C11orf65: variants seen among roughly 807,000 people sequenced by gnomAD.
C11orf65 encodes protein MFI.
In C11orf65, 38 loss-of-function variants were observed where a neutral mutation model predicts 35.3. The observed-to-expected ratio is 1.08, with a 90% CI of 0.83 to 1.41. The LOEUF is 1.41. C11orf65 is among the 40% of genes most tolerant of loss of function. The pLI, the probability that C11orf65 is intolerant of heterozygous loss-of-function variation, is 0.00. For missense variants in C11orf65, 370 were observed against 367.1 expected (o/e 1.01, Z -0.06); for synonymous variants, 105 against 114.4 (o/e 0.92, Z 0.53).
chr11:108,390,054 C>T (rs1021784933), intron 7 of C11orf65, among the ~76,000 whole-genome samples: 1 of 150,794 alleles, frequency 6.6e-6, no homozygotes, highest in Non-Finnish European at 1.5e-5. Context: ...GACGGAGTCT[C>T]GCTCTGTTGC....
chr11:108,351,952 G>A (rs1387449714), intron 2 of C11orf65, among the ~76,000 whole-genome samples: 2 of 152,140 alleles, frequency 1.3e-5, no homozygotes, highest in African/African-American at 4.8e-5. Flanking sequence ...CTCAGCTATA[G>A]CAAGCCCTTT....
intron 2 of C11orf65, chr11:108,367,154 A>AT (rs1234305333): frequency 1.1e-5 from 2 of 177,610 alleles, no homozygotes; most frequent in African/African-American, 4.7e-5. Context: ...CGCCCGGCTA[A>AT]TTTTTTGTAT....
At chr11:108,411,632 A>T (rs1359073434) in intron 3 of C11orf65, among the ~76,000 whole-genome samples, 2 of 152,146 alleles carry the variant, frequency 1.3e-5, no homozygotes, top group African/African-American at 2.4e-5. Flanking sequence ...TCTGGTAATT[A>T]TGTAAGTTTT....
intron 6 of C11orf65, among the ~76,000 whole-genome samples, chr11:108,402,803 T>C (rs1346037546): frequency 6.6e-6 from 1 of 152,176 alleles, no homozygotes; most frequent in Non-Finnish European, 1.5e-5. Context: ...ATTTGTGTCT[T>C]CTAGAATTGT....
intron 7 of C11orf65, among the ~76,000 whole-genome samples, chr11:108,388,233 C>T (rs905900013): frequency 6.6e-6 from 1 of 152,176 alleles, no homozygotes; most frequent in Non-Finnish European, 1.5e-5. Flanking sequence ...ATCACTGTCC[C>T]TGCTTTATCC....
At chr11:108,415,110 G>A (rs906178185) in intron 3 of C11orf65, among the ~76,000 whole-genome samples, 1 of 151,986 alleles carries the variant, frequency 6.6e-6, no homozygotes, top group Admixed American at 6.6e-5. Context: ...CTACAAAGAT[G>A]TCCCCTCACC....
chr11:108,345,924 A>G lies in C11orf65; in HGVS notation c.227-10632T>C, dbSNP rs1322889530. On this transcript the variant is annotated intron_variant, in intron 2 of 3. Coordinates refer to the C11orf65 transcript ENST00000524755. ...TCTTCTATTGGTAATCTTCTTGTACATATAGTAGATTGAGCACTTTGTTGT... is the reference window on the plus strand; with the variant it reads ...TCTTCTATTGGTAATCTTCTTGTACGTATAGTAGATTGAGCACTTTGTTGT... 3 of 1,612,896 alleles carry G rather than the reference A, an allele frequency of 1.9e-6. No individual in the cohort carries two copies. Among genetic ancestry groups the G allele is most frequent in the East Asian group, 2.2e-5 (1 of 44,808 alleles).
chr11:108,383,091 G>A lies in C11orf65; in HGVS notation c.872C>T (p.Thr291Ile), dbSNP rs1173506016. Residue 291 changes from threonine (T) to isoleucine (I), a missense_variant, in exon 9 of 9, where the codon ACT becomes ATT. Transcript: ENST00000393084. ...TTCTTGATAAACATTTTCATAGTAAGTATCATCTGGTATTCCCATTTGCAT... is the reference window on the plus strand; with the variant it reads ...TTCTTGATAAACATTTTCATAGTAAATATCATCTGGTATTCCCATTTGCAT... ...SKMQMGIPDD[T>I]YYENVYQEPN... 6 of 1,611,034 alleles carry A rather than the reference G, an allele frequency of 3.7e-6. No homozygotes were observed. Among genetic ancestry groups the A allele is most frequent in the South Asian group, 3.3e-5 (3 of 90,640 alleles).
rs1023965188 is a variant in C11orf65, at chr11:108,375,090, C to A, written c.226+18118G>T. ...AGGATATTATCCAGGAGAACTTCCCCAATCTAGCAAGGCAGGCCAACGTTC... is the reference window on the plus strand; with the variant it reads ...AGGATATTATCCAGGAGAACTTCCCAAATCTAGCAAGGCAGGCCAACGTTC... On this transcript the variant is annotated intron_variant, in intron 2 of 3. Coordinates refer to the C11orf65 transcript ENST00000524755. 9.2e-5 allele frequency among the ~76,000 whole-genome samples: 14 copies of A among 152,218 alleles called. No individual in the cohort carries two copies. In the East Asian group the frequency reaches 2.1e-3, roughly 23 times the overall value.
chr11:108,320,444 A>G (rs1218597074), intron 6 of C11orf65, among the ~76,000 whole-genome samples: 1 of 152,244 alleles, frequency 6.6e-6, no homozygotes, highest in African/African-American at 2.4e-5. Flanking sequence ...GCATGAGGAA[A>G]TAATTATAAT....
At chr11:108,385,823 G>A (rs2091982455) in intron 8 of C11orf65, 97 bp downstream of exon 8, 1 of 945,812 alleles carries the variant, frequency 1.1e-6, no homozygotes, top group Admixed American at 2.0e-5. Context: ...TATATACTAT[G>A]CAGATTACTG....
Position 108,332,807 on chromosome 11 carries a change from A to C in C11orf65, c.300-1240T>G, listed in dbSNP as rs1305691166. 5.0e-6 allele frequency: 8 copies of C among 1,613,358 alleles called. No individual in the cohort carries two copies. In the South Asian group the frequency reaches 8.8e-5, roughly 18 times the overall value. On this transcript the variant is annotated intron_variant, in intron 3 of 3. Transcript: ENST00000524755. The stretch of plus-strand genomic sequence containing the variant: ...TAGAATAATATGTACTATCAGAAGT[A>C]GGAGACCTCAGATGGTCAGAAGTGT...
intron 2 of C11orf65, among the ~76,000 whole-genome samples, chr11:108,371,813 T>G (rs979779088): frequency 6.6e-6 from 1 of 152,214 alleles, no homozygotes. Flanking sequence ...CCATACTGTT[T>G]TTCCACAGTG....
rs2137077518 is a variant in C11orf65, at chr11:108,347,272, T to C, written c.227-11980A>G. On this transcript the variant is annotated intron_variant, in intron 2 of 3. Transcript: ENST00000524755. ...GATTTCAGATTGTTTGTTTCTTTTT[T>C]CTCCAGTTGGTTACATACTTGGACT... The C allele has an allele frequency of 6.3e-7, 1 of 1,592,370 alleles. No individual in the cohort carries two copies. Among genetic ancestry groups the C allele is most frequent in the Non-Finnish European group, 8.6e-7 (1 of 1,160,442 alleles).
chr11:108,347,322 C>T lies in C11orf65; in HGVS notation c.227-12030G>A, dbSNP rs1555139577. 1 of 1,611,612 alleles carries T rather than the reference C, an allele frequency of 6.2e-7. No individual in the cohort carries two copies. Among genetic ancestry groups the T allele is most frequent in the African/African-American group, 1.3e-5 (1 of 74,922 alleles). ...TTGGTGATAGACATGTACAGAATAT[C>T]TTGATAAATGAGCAGTCAGCAGAAC... On this transcript the variant is annotated intron_variant, in intron 2 of 3. Coordinates refer to the C11orf65 transcript ENST00000524755.
chr11:108,312,870 C>T (rs2084296658), intron 6 of C11orf65, among the ~76,000 whole-genome samples: 2 of 152,298 alleles, frequency 1.3e-5, no homozygotes. Flanking sequence ...ATTGCCTCTT[C>T]TATAAATTTC....
chr11:108,444,733 C>G (rs1413351419), intron 2 of C11orf65, among the ~76,000 whole-genome samples: 1 of 152,120 alleles, frequency 6.6e-6, no homozygotes, highest in Non-Finnish European at 1.5e-5. Flanking sequence ...GTTCATCTCA[C>G]TACGGAGTGC....
chr11:108,384,415 C>CT (rs2138285614), intron 8 of C11orf65, among the ~76,000 whole-genome samples: 1 of 152,278 alleles, frequency 6.6e-6, no homozygotes, highest in South Asian at 2.1e-4. Flanking sequence ...AACCTATGTG[C>CT]TAGGTACTAC....
chr11:108,374,253 G>A (rs1170890483), intron 2 of C11orf65, among the ~76,000 whole-genome samples: 1 of 152,200 alleles, frequency 6.6e-6, no homozygotes, highest in African/African-American at 2.4e-5. Context: ...GGGGCAGACT[G>A]ATACCTCACA....
Sources: gnomAD v4.1 joint callset for allele counts (sites outside exome capture counted in the v4.1 genomes callset) on GRCh38, gnomAD v4.1.1 for gene constraint, MANE v1.5 for transcripts, NCBI Gene and HGNC (gene_info 2026-07-23, HGNC 2026-07-21) for gene names.